LASP1: variants seen among roughly 807,000 people sequenced by gnomAD.
The protein encoded by LASP1 is LIM and SH3 domain protein 1.
Under a neutral mutation model 38.6 loss-of-function variants are expected in LASP1, and 10 were observed. That is an observed-to-expected ratio of 0.26 (90% CI 0.16 to 0.44). The LOEUF (loss-of-function observed/expected upper bound fraction) is 0.44. Ranked by LOEUF, LASP1 falls within the 20% of genes least tolerant of loss-of-function variation. The pLI is 1.00. For missense variants in LASP1, 243 were observed against 375.7 expected (o/e 0.65, Z 2.92); for synonymous variants, 132 against 140.8 (o/e 0.94, Z 0.44).
chr17:38,896,614 C>T (rs1324201699), intron 3 of LASP1, among the ~76,000 whole-genome samples: 1 of 152,266 alleles, frequency 6.6e-6, no homozygotes, highest in Non-Finnish European at 1.5e-5. Flanking sequence ...GACTGGCACT[C>T]GTTCAGCACT....
At chr17:38,884,777 G>A (rs995818708) in intron 2 of LASP1, among the ~76,000 whole-genome samples, 3 of 131,916 alleles carry the variant, frequency 2.3e-5, no homozygotes, top group African/African-American at 8.8e-5. Context: ...TACAACCTCC[G>A]CTTCCCGGGT....
At chr17:38,895,360 G>T (rs547085620) in intron 3 of LASP1, among the ~76,000 whole-genome samples, 3 of 151,288 alleles carry the variant, frequency 2.0e-5, no homozygotes, top group African/African-American at 7.3e-5. Context: ...TTACTCTGTC[G>T]CCCAGCCTGG....
intron 2 of LASP1, among the ~76,000 whole-genome samples, chr17:38,884,655 G>GCTAGGATTA (rs1465709760): frequency 2.0e-5 from 3 of 147,082 alleles, no homozygotes; most frequent in African/African-American, 7.5e-5. Context: ...CTCCTAAAGT[G>GCTAGGATTA]CTAGGATTAC....
chr17:38,899,984 C>A (rs1914594896), intron 4 of LASP1, among the ~76,000 whole-genome samples: 1 of 151,770 alleles, frequency 6.6e-6, no homozygotes, highest in African/African-American at 2.4e-5. Context: ...CCCGCCTTGG[C>A]CTCCCAAAGT....
intron 1 of LASP1, among the ~76,000 whole-genome samples, chr17:38,875,814 T>A (rs1422121183): frequency 6.6e-6 from 1 of 152,192 alleles, no homozygotes; most frequent in African/African-American, 2.4e-5. Context: ...GGAGACAACA[T>A]TTTGAAAAGC....
At chr17:38,900,677 A>G (rs1914617862) in intron 4 of LASP1, among the ~76,000 whole-genome samples, 1 of 152,128 alleles carries the variant, frequency 6.6e-6, no homozygotes, top group African/African-American at 2.4e-5. Context: ...ATCTCAAAAA[A>G]AAACCAAAAA....
At chr17:38,887,901 G>A (rs893956350) in intron 2 of LASP1, among the ~76,000 whole-genome samples, 2 of 152,184 alleles carry the variant, frequency 1.3e-5, no homozygotes, top group Non-Finnish European at 2.9e-5. Context: ...CCGAGCAGAG[G>A]GGCAGCTCGT....
intron 4 of LASP1, among the ~76,000 whole-genome samples, chr17:38,906,591 G>C (rs1459893808): frequency 6.6e-6 from 1 of 151,806 alleles, no homozygotes; most frequent in Non-Finnish European, 1.5e-5. Context: ...TGCATGTAAG[G>C]GCACCCAAAA....
chr17:38,880,223 C>T (rs1308363207), intron 2 of LASP1, among the ~76,000 whole-genome samples: 1 of 152,238 alleles, frequency 6.6e-6, no homozygotes, highest in Non-Finnish European at 1.5e-5. Context: ...CCTTGGAGCC[C>T]AGTGACTCAA....
At chr17:38,892,327 G>A (rs1210505505) in intron 3 of LASP1, among the ~76,000 whole-genome samples, 1 of 152,188 alleles carries the variant, frequency 6.6e-6, no homozygotes, top group Non-Finnish European at 1.5e-5. Context: ...GAGGAAGAGA[G>A]CAGCAGCTCA....
Position 38,902,367 on chromosome 17 carries a change from G to A in LASP1, c.357+3848G>A, listed in dbSNP as rs907330266. 2.1e-5 allele frequency among the ~76,000 whole-genome samples: 3 copies of A among 142,706 alleles called. No individual in the cohort carries two copies. The South Asian group carries it at 6.7e-4, about 32-fold the overall frequency. The allele number at this position is 142,706 out of a possible 152,430, so 93.6% of individuals were successfully genotyped here. ...TGAGCCACCTCACCTGGCCTCCCAG[G>A]GGAGCTTTTTTTTTTTTTTTTTTTT... On this transcript the variant is annotated intron_variant, in intron 4 of 6. Coordinates refer to ENST00000318008, the MANE Select transcript of LASP1 (RefSeq NM_006148.4).
chr17:38,877,394 G>A (rs1913812388), intron 1 of LASP1, among the ~76,000 whole-genome samples: 1 of 152,184 alleles, frequency 6.6e-6, no homozygotes. Context: ...TGGGAGACCC[G>A]CTGCCGGGTG....
At chr17:38,887,116 G>A (rs1157977179) in intron 2 of LASP1, among the ~76,000 whole-genome samples, 1 of 152,176 alleles carries the variant, frequency 6.6e-6, no homozygotes, top group Non-Finnish European at 1.5e-5. Context: ...TGTTTGCCCT[G>A]CTTGCCTCTA....
At chr17:38,880,070 A>T (rs1055539444) in intron 2 of LASP1, among the ~76,000 whole-genome samples, 3 of 152,104 alleles carry the variant, frequency 2.0e-5, no homozygotes, top group Admixed American at 6.5e-5. Context: ...GGGCTCACAC[A>T]AGCCCTGGTT....
chr17:38,907,267 T>C (rs1281602573), intron 4 of LASP1, among the ~76,000 whole-genome samples: 1 of 152,204 alleles, frequency 6.6e-6, no homozygotes, highest in Non-Finnish European at 1.5e-5. Context: ...GTGCCGCCTG[T>C]CCTGAGTTGC....
At chr17:38,894,773 T>G (rs985035532) in intron 3 of LASP1, among the ~76,000 whole-genome samples, 1 of 152,170 alleles carries the variant, frequency 6.6e-6, no homozygotes, top group Admixed American at 6.5e-5. Context: ...GGTCTCTCTC[T>G]GTCTCCCAGG....
intron 4 of LASP1, among the ~76,000 whole-genome samples, chr17:38,905,699 C>G (rs2143806697): frequency 6.6e-6 from 1 of 152,064 alleles, no homozygotes; most frequent in South Asian, 2.1e-4. Context: ...AGTGTGATAG[C>G]CGATGGTTTT....
chr17:38,872,099 T>C (rs1913626175), intron 1 of LASP1, among the ~76,000 whole-genome samples: 1 of 152,292 alleles, frequency 6.6e-6, no homozygotes, highest in South Asian at 2.1e-4. Flanking sequence ...GTTGGGAAAC[T>C]GGGTCCTTGT....
intron 4 of LASP1, among the ~76,000 whole-genome samples, chr17:38,913,759 T>G (rs1434421248): frequency 6.6e-6 from 1 of 152,068 alleles, no homozygotes; most frequent in Admixed American, 6.6e-5. Context: ...CCCAGCACTT[T>G]GGGAGGCCGA....
Sources: gnomAD v4.1 joint callset for allele counts (sites outside exome capture counted in the v4.1 genomes callset) on GRCh38, gnomAD v4.1.1 for gene constraint, MANE v1.5 for transcripts, NCBI Gene and HGNC (gene_info 2026-07-23, HGNC 2026-07-21) for gene names.